EGFR: variants seen among roughly 807,000 people sequenced by gnomAD.
EGFR encodes avian erythroblastic leukemia viral (v-erb-b) oncogene homolog.
A neutral mutation model predicts 143.0 loss-of-function variants in EGFR; 58 were observed. The observed-to-expected ratio is 0.41, with a 90% confidence interval of 0.33 to 0.50. EGFR has a LOEUF of 0.50. Ranked by LOEUF, EGFR falls within the 20% of genes least tolerant of loss-of-function variation. EGFR has a pLI of 0.39. For synonymous variants in EGFR, 613 were observed against 594.4 expected (o/e 1.03, Z -0.45); for missense variants, 1,307 against 1,579.0 (o/e 0.83, Z 2.92).
intron 15 of EGFR, among the ~76,000 whole-genome samples, chr7:55,166,096 A>G (rs1785964651): frequency 6.6e-6 from 1 of 152,180 alleles, no homozygotes; most frequent in African/African-American, 2.4e-5. Context: ...GGTTGCAGTG[A>G]GCCAAGATCT....
chr7:55,183,733 A>G (rs993012339), intron 20 of EGFR, among the ~76,000 whole-genome samples: 15 of 152,202 alleles, frequency 9.9e-5, no homozygotes, highest in Non-Finnish European at 2.1e-4. Context: ...ATATTGCCCC[A>G]GAATATCTGG....
intron 1 of EGFR, chr7:55,119,311 G>C (rs1365455715): frequency 2.0e-5 from 3 of 152,180 alleles, no homozygotes; most frequent in African/African-American, 7.2e-5. Flanking sequence ...CTGGATGTCA[G>C]ACTCTCCTGG....
At chr7:55,202,690 T>TC in intron 27 of EGFR, 65 bp downstream of exon 27, 1 of 1,464,142 alleles carries the variant, frequency 6.8e-7, no homozygotes, top group Non-Finnish European at 9.4e-7. Flanking sequence ...CAGCAGCCAG[T>TC]CTCCAGTGTC....
chr7:55,026,540 T>C (rs1342968995), intron 1 of EGFR, among the ~76,000 whole-genome samples: 1 of 151,984 alleles, frequency 6.6e-6, no homozygotes, highest in Non-Finnish European at 1.5e-5. Flanking sequence ...ACAAATAACA[T>C]CTCCAACCGG....
rs1250369756 is a variant in EGFR, at chr7:55,084,170, CTG to C, written c.89-58114_89-58113del. On this transcript the variant is annotated intron_variant, in intron 1 of 27. Transcript: ENST00000275493. ...TTAAAACAACACACACTTCTTATCT[CTG>C]TTTCTGTGGGTCAGGGTCTGGGTTC... Among the ~76,000 whole-genome samples the C allele has an allele frequency of 3.9e-5, 6 of 152,352 alleles. No homozygotes were observed. In the East Asian group the frequency reaches 1.2e-3, roughly 29 times the overall value.
chr7:55,111,330 C>T (rs1236868768), intron 1 of EGFR, among the ~76,000 whole-genome samples: 3 of 151,720 alleles, frequency 2.0e-5, no homozygotes, highest in African/African-American at 7.3e-5. Context: ...AGAGCAGCTG[C>T]CCAGCGAGGC....
At chr7:55,190,602 A>T (rs1413235293) in intron 20 of EGFR, among the ~76,000 whole-genome samples, 3 of 151,984 alleles carry the variant, frequency 2.0e-5, no homozygotes, top group African/African-American at 7.2e-5. Flanking sequence ...GGATCCCTCC[A>T]TACAGGAGCG....
At chr7:55,109,352 A>G (rs1178642210) in intron 1 of EGFR, among the ~76,000 whole-genome samples, 1 of 152,190 alleles carries the variant, frequency 6.6e-6, no homozygotes, top group East Asian at 1.9e-4. Flanking sequence ...AATTTTAAGG[A>G]CTATCTACAG....
At chr7:55,158,077 G>A (rs1785518296) in intron 11 of EGFR, among the ~76,000 whole-genome samples, 2 of 152,076 alleles carry the variant, frequency 1.3e-5, no homozygotes, top group African/African-American at 4.8e-5. Context: ...TGTCTTTCAC[G>A]GCCTTGACAC....
intron 1 of EGFR, among the ~76,000 whole-genome samples, chr7:55,023,051 G>A (rs1786665652): frequency 6.6e-6 from 1 of 152,186 alleles, no homozygotes; most frequent in African/African-American, 2.4e-5. Context: ...AAAGGCAATT[G>A]ATGATTATGG....
chr7:55,025,543 T>C (rs923705085), intron 1 of EGFR, among the ~76,000 whole-genome samples: 7 of 152,146 alleles, frequency 4.6e-5, no homozygotes, highest in South Asian at 2.1e-4. Context: ...CTTTTAGATG[T>C]GTTGAGCTTG....
intron 19 of EGFR, among the ~76,000 whole-genome samples, chr7:55,175,999 A>T (rs1786574258): frequency 6.6e-6 from 1 of 152,224 alleles, no homozygotes; most frequent in Admixed American, 6.5e-5. Flanking sequence ...CTTTCATTTT[A>T]ACGGTTTACA....
chr7:55,121,356 G>A (rs907199203), intron 1 of EGFR, among the ~76,000 whole-genome samples: 11 of 152,222 alleles, frequency 7.2e-5, no homozygotes, highest in African/African-American at 2.2e-4. Context: ...AGGAGTCAAT[G>A]GGAGCCCCGT....
intron 7 of EGFR, among the ~76,000 whole-genome samples, chr7:55,154,907 A>G (rs1785333934): frequency 7.8e-6 from 1 of 127,696 alleles, no homozygotes; most frequent in South Asian, 2.6e-4. Flanking sequence ...AAAATTTTAC[A>G]TTCCGTATGG....
chr7:55,056,736 A>C (rs371883422), intron 1 of EGFR, among the ~76,000 whole-genome samples: 33 of 152,304 alleles, frequency 2.2e-4, no homozygotes, highest in African/African-American at 7.7e-4. Flanking sequence ...GGAATGAAAA[A>C]CGCCAGTTGC....
chr7:55,099,439 T>C (rs1173869242), intron 1 of EGFR, among the ~76,000 whole-genome samples: 1 of 152,238 alleles, frequency 6.6e-6, no homozygotes, highest in Non-Finnish European at 1.5e-5. Flanking sequence ...GTGCAAGCCC[T>C]GATGAGGACA....
chr7:55,124,000 A>G (rs1165008434), intron 1 of EGFR, among the ~76,000 whole-genome samples: 1 of 152,224 alleles, frequency 6.6e-6, no homozygotes, highest in African/African-American at 2.4e-5. Context: ...TATGCACATA[A>G]AAGTGTGAAT....
chr7:55,157,101 C>T (rs1484864056), intron 10 of EGFR: 4 of 767,836 alleles, frequency 5.2e-6, no homozygotes, highest in African/African-American at 1.8e-5. Context: ...GGCCCATAAC[C>T]CCTGAGGGTA....
Position 55,210,490 on chromosome 7 carries a change from T to C in EGFR, c.*4873T>C, listed in dbSNP as rs1177344163. ...GCTGAAACCCAAGCATTCGTAGTTT[T>C]TAAAGCTCCTGAGGTCATTCCAATG... On this transcript the variant is annotated 3_prime_UTR_variant, in exon 28 of 28. Coordinates refer to ENST00000275493, the MANE Select transcript of EGFR (RefSeq NM_005228.5). The C allele has an allele frequency of 6.6e-6, 1 of 152,192 alleles. No individual in the cohort carries two copies. The allele number at this position is 152,192 out of a possible 1,614,324, so 9.4% of individuals were successfully genotyped here.
Sources: gnomAD v4.1 joint callset for allele counts (sites outside exome capture counted in the v4.1 genomes callset) on GRCh38, gnomAD v4.1.1 for gene constraint, MANE v1.5 for transcripts, NCBI Gene and HGNC (gene_info 2026-07-23, HGNC 2026-07-21) for gene names.